The following PLPP1 variants were observed in gnomAD, a reference collection of about 807,000 sequenced individuals.
PLPP1 encodes the protein phospholipid phosphatase 1.
PLPP1 carries 24 observed loss-of-function variants against 31.2 expected under a neutral mutation model. The observed-to-expected ratio is 0.77, with a 90% CI of 0.56 to 1.08. The LOEUF (loss-of-function observed/expected upper bound fraction) is 1.08. Ranked by LOEUF, PLPP1 falls within the 50% of genes least tolerant of loss-of-function variation. The probability of loss-of-function intolerance (pLI) is 0.00; values close to 1 mark genes in which losing one functional copy is unlikely to be tolerated. For synonymous variants in PLPP1, 146 were observed against 126.3 expected (o/e 1.16, Z -1.05); for missense variants, 319 against 342.7 (o/e 0.93, Z 0.55).
At chr5:55,495,910 T>A (rs1359383867) in intron 1 of PLPP1, among the ~76,000 whole-genome samples, 1 of 152,130 alleles carries the variant, frequency 6.6e-6, no homozygotes, top group East Asian at 1.9e-4. Flanking sequence ...GCTGGAGTAG[T>A]GCAGAGGTGC....
chr5:55,459,772 CAAT>C (rs1222709910), intron 3 of PLPP1, among the ~76,000 whole-genome samples: 1 of 151,910 alleles, frequency 6.6e-6, no homozygotes, highest in African/African-American at 2.4e-5. Context: ...AGATTTTCTT[CAAT>C]AACAGCTACA....
chr5:55,456,542 A>G (rs1752014569), intron 3 of PLPP1, among the ~76,000 whole-genome samples: 1 of 152,230 alleles, frequency 6.6e-6, no homozygotes, highest in African/African-American at 2.4e-5. Flanking sequence ...AGCAGATTAC[A>G]CTATAATCCT....
intron 3 of PLPP1, among the ~76,000 whole-genome samples, chr5:55,461,939 T>TA (rs893163882): frequency 2.4e-4 from 36 of 147,672 alleles, no homozygotes; most frequent in Admixed American, 6.8e-4. Flanking sequence ...GGAAATTGAT[T>TA]AAAAAAAAAA....
chr5:55,453,922 C>T (rs971765689), intron 3 of PLPP1, among the ~76,000 whole-genome samples: 2 of 152,098 alleles, frequency 1.3e-5, no homozygotes, highest in African/African-American at 2.4e-5. Flanking sequence ...CTCTGGCCAA[C>T]AGAGCAAGAC....
chr5:55,513,459 A>G (rs1305031848), intron 1 of PLPP1, among the ~76,000 whole-genome samples: 1 of 151,684 alleles, frequency 6.6e-6, no homozygotes, highest in Non-Finnish European at 1.5e-5. Context: ...TTTAGTAGAG[A>G]CAGGGTTTCA....
At chr5:55,426,427 C>T (rs230749) in intron 4 of PLPP1, among the ~76,000 whole-genome samples, 130,847 of 152,120 alleles carry the variant, frequency 0.86, 56,668 homozygotes, top group South Asian at 0.92. Flanking sequence ...AGAAATGGGG[C>T]GTTGCTCTGT....
intron 4 of PLPP1, among the ~76,000 whole-genome samples, chr5:55,427,123 A>G (rs1751221583): frequency 6.6e-6 from 1 of 152,102 alleles, no homozygotes; most frequent in Non-Finnish European, 1.5e-5. Context: ...CCTAATTTCT[A>G]TCCAATAACA....
At chr5:55,533,493 T>C (rs1488519641) in intron 1 of PLPP1, among the ~76,000 whole-genome samples, 2 of 152,032 alleles carry the variant, frequency 1.3e-5, no homozygotes. Context: ...AATGACCCGG[T>C]TGGAAACTGG....
chr5:55,433,713 G>T (rs1002580921), intron 4 of PLPP1, among the ~76,000 whole-genome samples: 1 of 151,024 alleles, frequency 6.6e-6, no homozygotes, highest in Non-Finnish European at 1.5e-5. Flanking sequence ...TAGCCAGGAT[G>T]GTCTCGATCT....
chr5:55,486,867 C>T (rs986660901), intron 1 of PLPP1, among the ~76,000 whole-genome samples: 11 of 151,884 alleles, frequency 7.2e-5, no homozygotes, highest in African/African-American at 2.4e-4. Context: ...GAGCCAAAAT[C>T]GCACCATTGC....
At chr5:55,444,101 A>G (rs1333019167) in intron 3 of PLPP1, among the ~76,000 whole-genome samples, 2 of 138,804 alleles carry the variant, frequency 1.4e-5, no homozygotes, top group African/African-American at 5.5e-5. Flanking sequence ...TTTTTTTTTG[A>G]GACAGAGTCT....
intron 1 of PLPP1, among the ~76,000 whole-genome samples, chr5:55,501,619 C>T (rs1270728215): frequency 6.6e-6 from 1 of 152,156 alleles, no homozygotes; most frequent in Non-Finnish European, 1.5e-5. Flanking sequence ...ATTCTCCTGC[C>T]TCAGCCTCCT....
chr5:55,485,462 T>A (rs1282668227), intron 1 of PLPP1, among the ~76,000 whole-genome samples: 1 of 152,170 alleles, frequency 6.6e-6, no homozygotes, highest in Non-Finnish European at 1.5e-5. Context: ...AAAACATAGT[T>A]ATTTTGATCT....
intron 3 of PLPP1, among the ~76,000 whole-genome samples, chr5:55,461,389 A>C (rs2111769014): frequency 6.6e-6 from 1 of 152,214 alleles, no homozygotes; most frequent in African/African-American, 2.4e-5. Flanking sequence ...TAGCAAACCA[A>C]ATCCAATTAA....
chr5:55,469,156 T>TA (rs1028876518), intron 2 of PLPP1, among the ~76,000 whole-genome samples: 55 of 152,118 alleles, frequency 3.6e-4, no homozygotes, highest in African/African-American at 1.3e-3. Context: ...CATTTGCTAT[T>TA]AAAAAAGACA....
chr5:55,441,327 A>G (rs564274988), intron 4 of PLPP1, among the ~76,000 whole-genome samples: 265 of 152,366 alleles, frequency 1.7e-3, no homozygotes, highest in African/African-American at 6.1e-3. Flanking sequence ...TATAGATGAC[A>G]GGCTCCAGAA....
intron 4 of PLPP1, among the ~76,000 whole-genome samples, chr5:55,436,064 T>G (rs188435946): frequency 6.6e-5 from 10 of 150,548 alleles, no homozygotes; most frequent in Non-Finnish European, 8.8e-5. Flanking sequence ...TACTAGAGAT[T>G]CATACAAGCA....
chr5:55,433,039 T>C (rs1751397972), intron 4 of PLPP1, among the ~76,000 whole-genome samples: 1 of 150,962 alleles, frequency 6.6e-6, no homozygotes, highest in Admixed American at 6.6e-5. Flanking sequence ...CCAGGTGTGG[T>C]GGCTCACACC....
chr5:55,449,058 CAGTT>C (rs532216676), intron 3 of PLPP1, among the ~76,000 whole-genome samples: 1,818 of 152,272 alleles, frequency 0.012, 19 homozygotes, highest in Middle Eastern at 0.02. Flanking sequence ...TTTCAATCCA[CAGTT>C]AGTTGAATCC....
Sources: gnomAD v4.1 joint callset for allele counts (sites outside exome capture counted in the v4.1 genomes callset) on GRCh38, gnomAD v4.1.1 for gene constraint, MANE v1.5 for transcripts, NCBI Gene and HGNC (gene_info 2026-07-23, HGNC 2026-07-21) for gene names.